The following STARD5 variants were observed in gnomAD, a reference collection of about 807,000 sequenced individuals.
The protein encoded by STARD5 is StAR related lipid transfer domain containing 5, also known as stAR-related lipid transfer protein 5.
STARD5 carries 26 observed loss-of-function variants against 24.6 expected under a neutral mutation model. That is an observed-to-expected ratio of 1.06 (90% CI 0.77 to 1.47). The LOEUF (loss-of-function observed/expected upper bound fraction) is 1.47, where lower values mean the gene tolerates loss of function less well. STARD5 is among the 40% of genes most tolerant of loss of function. The pLI, the probability that STARD5 is intolerant of heterozygous loss-of-function variation, is 0.00. For synonymous variants in STARD5, 101 were observed against 99.7 expected (o/e 1.01, Z -0.07); for missense variants, 254 against 270.8 (o/e 0.94, Z 0.44).
intron 2 of STARD5, 163 bp downstream of exon 2, chr15:81,322,736 T>C (rs1361183999): frequency 1.5e-6 from 2 of 1,301,144 alleles, no homozygotes; most frequent in African/African-American, 2.9e-5. Context: ...TTCACAAGAA[T>C]ACAGTTTGCT....
chr15:81,315,632 A>ACCTTTCCC (rs1163570615), intron 5 of STARD5, among the ~76,000 whole-genome samples: 3 of 151,838 alleles, frequency 2.0e-5, no homozygotes, highest in Admixed American at 6.6e-5. Context: ...CCTTAAGAAC[A>ACCTTTCCC]CCTTTCCCCC....
At position 81,311,302 on chromosome 15, in the gene STARD5, C is replaced by T. The variant is rs980008773; in HGVS notation, c.*1954G>A. The T allele has an allele frequency of 6.6e-6, 1 of 152,240 alleles. No individual in the cohort carries two copies. The highest frequency in any genetic ancestry group is 1.5e-5 in the Non-Finnish European group (1 of 68,036). 9.4% of individuals were successfully genotyped at this position (152,240 alleles called of 1,614,324 possible). On this transcript the variant is annotated 3_prime_UTR_variant, in exon 6 of 6. Transcript: ENST00000302824. The stretch of plus-strand genomic sequence containing the variant: ...TTGCCCAGCATTTTACTGATTCATA[C>T]ATTATCTCACTTGTGCCAACACTCA...
At chr15:81,323,105 G>A (rs552633337) in intron 1 of STARD5, 157 bp from the exon 2 acceptor site, 1 of 700,404 alleles carries the variant, frequency 1.4e-6, no homozygotes, top group African/African-American at 1.8e-5. Flanking sequence ...ACTAGTCTTG[G>A]GCAAAGCTGT....
intron 1 of STARD5, 165 bp downstream of exon 1, chr15:81,323,836 C>CT (rs148236522): frequency 0.076 from 58,452 of 773,106 alleles, 2,335 homozygotes; most frequent in South Asian, 0.098. Context: ...CAGGCCCAAT[C>CT]TTTTTTTTAA....
At position 81,324,130 on chromosome 15, in the gene STARD5, C is replaced by T. The variant is rs1164420724; in HGVS notation, c.-31G>A. 7.6e-7 allele frequency: 1 copy of T among 1,311,524 alleles called. No homozygotes were observed. Among genetic ancestry groups the T allele is most frequent in the Admixed American group, 3.5e-5 (1 of 28,342 alleles). 81.2% of individuals were successfully genotyped at this position (1,311,524 alleles called of 1,614,324 possible). A position where few individuals can be genotyped will look rare whatever the true frequency, so the allele number is the denominator to read the frequency against. On this transcript the variant is annotated 5_prime_UTR_variant, in exon 1 of 6. Transcript: ENST00000302824. ...CGGGAGCTGCGCTTAGCTGCGGGGT[C>T]GCGGGTGTTATGAGCGGCGGCGCTG... is the stretch of plus-strand genomic sequence containing the variant.
chr15:81,319,483 G>T (rs775822344), intron 3 of STARD5, 27 bp from the exon 4 acceptor site: 1 of 1,598,274 alleles, frequency 6.3e-7, no homozygotes, highest in Non-Finnish European at 8.6e-7. Flanking sequence ...GCATGTAGCT[G>T]TGACTGCTGG....
intron 4 of STARD5, among the ~76,000 whole-genome samples, 177 bp downstream of exon 4, chr15:81,319,162 T>C (rs1429912268): frequency 1.3e-5 from 2 of 151,740 alleles, no homozygotes; most frequent in Non-Finnish European, 2.9e-5. Context: ...TGGACTGTCT[T>C]GCGTCAGACC....
chr15:81,320,130 C>G (rs1567056396), intron 3 of STARD5, among the ~76,000 whole-genome samples: 1 of 152,120 alleles, frequency 6.6e-6, no homozygotes, highest in Non-Finnish European at 1.5e-5. Flanking sequence ...GAGTGGGGCC[C>G]AGGCTCTCTC....
At chr15:81,317,624 T>C (rs1444592165) in intron 5 of STARD5, among the ~76,000 whole-genome samples, 4 of 152,160 alleles carry the variant, frequency 2.6e-5, no homozygotes, top group African/African-American at 9.7e-5. Flanking sequence ...GGGCTTGGTA[T>C]AATCCCACGA....
At chr15:81,315,612 G>A (rs1901065784) in intron 5 of STARD5, among the ~76,000 whole-genome samples, 1 of 152,082 alleles carries the variant, frequency 6.6e-6, no homozygotes, top group Non-Finnish European at 1.5e-5. Flanking sequence ...CACAGATACA[G>A]GCTCCTCCAC....
Position 81,313,263 on chromosome 15 carries a change from TGGA to T in STARD5, c.632_634del (p.Phe211_His212delinsTyr). 3.8e-6 allele frequency: 6 copies of T among 1,568,280 alleles called. No individual in the cohort carries two copies. The highest frequency in any genetic ancestry group is 5.2e-6 in the Non-Finnish European group (6 of 1,156,916). ...CAAGAAGTAACGATAGCATTACTCA[TGGA>T]ATTGCTTCACTGCTTTCTGAAGGTT... is the stretch of plus-strand genomic sequence containing the variant. On this transcript the variant is annotated inframe_deletion, in exon 6 of 6. Coordinates refer to ENST00000302824, the MANE Select transcript of STARD5 (RefSeq NM_181900.3).
chr15:81,316,492 AG>A (rs1338298139), intron 5 of STARD5, among the ~76,000 whole-genome samples: 7 of 152,230 alleles, frequency 4.6e-5, no homozygotes, highest in African/African-American at 1.7e-4. Flanking sequence ...ACCTTGGGTT[AG>A]TTACTAAACC....
Position 81,318,396 on chromosome 15 carries a change from A to AAATTATCCTTACCC in STARD5, c.493_494+12dup, listed in dbSNP as rs778613814. ...TCTGAGCCATGTACCTCAATGCAGG[A>AAATTATCCTTACCC]AATTATCCTTACCCTGGAAGAGGTT... On this transcript the variant is annotated intron_variant, in intron 5 of 5. Transcript: ENST00000302824. 5.3e-5 allele frequency: 86 copies of AAATTATCCTTACCC among 1,612,674 alleles called. No individual in the cohort carries two copies. In the African/African-American group the frequency reaches 1.0e-3, roughly 19 times the overall value.
rs1157994054 is a variant in STARD5 at position 81,319,188 on chromosome 15, C to T, written c.400+151G>A. On this transcript the variant is annotated intron_variant, in intron 4 of 5. Transcript: ENST00000302824. The stretch of plus-strand genomic sequence containing the variant: ...GCGTCAGACCCCCATGGCCCTGAGT[C>T]CCCCCAAACCCAACCAGATGAGGTA... 4.2e-6 allele frequency: 3 copies of T among 708,296 alleles called. No individual in the cohort carries two copies. In the South Asian group the frequency reaches 5.1e-5, roughly 12 times the overall value. 43.9% of individuals were successfully genotyped at this position (708,296 alleles called of 1,614,324 possible). A position where few individuals can be genotyped will look rare whatever the true frequency, so the allele number is the denominator to read the frequency against.
chr15:81,318,251 A>G (rs4503751), intron 5 of STARD5, among the ~76,000 whole-genome samples, 158 bp downstream of exon 5: 1 of 152,052 alleles, frequency 6.6e-6, no homozygotes, highest in Non-Finnish European at 1.5e-5. Flanking sequence ...GCTTATGCAG[A>G]TGTGTGTGAA....
chr15:81,323,891 G>A, intron 1 of STARD5, 110 bp downstream of exon 1: 1 of 1,132,658 alleles, frequency 8.8e-7, no homozygotes, highest in African/African-American at 1.5e-5. Flanking sequence ...TCGGGTCCAG[G>A]GGATTGGGGA....
rs1280380281 is a variant in STARD5, at chr15:81,319,275, G to A, written c.400+64C>T. 7.3e-6 allele frequency: 10 copies of A among 1,376,142 alleles called. No homozygotes were observed. In the East Asian group the frequency reaches 1.6e-4, roughly 22 times the overall value. 85.2% of individuals were successfully genotyped at this position (1,376,142 alleles called of 1,614,324 possible). On this transcript the variant is annotated intron_variant, in intron 4 of 5. Transcript: ENST00000302824. ...TGCTTGGCTTTCCTTAAGGAACTGT[G>A]GGGTGCAGAAGAGAAAGCTCGATAT... is the stretch of plus-strand genomic sequence containing the variant.
chr15:81,313,044 T>A lies in STARD5; in HGVS notation c.*212A>T. 2.3e-6 allele frequency: 1 copy of A among 426,800 alleles called. No homozygotes were observed. 26.4% of individuals were successfully genotyped at this position (426,800 alleles called of 1,614,324 possible). On this transcript the variant is annotated 3_prime_UTR_variant, in exon 6 of 6. Transcript: ENST00000302824. ...ACAGGCAGATGGAGTTTGGAACACA[T>A]GAATGGCTCATCACACGCCAACCCT...
Position 81,309,422 on chromosome 15 carries a change from C to T in STARD5, c.*3834G>A, listed in dbSNP as rs1200363105. The T allele has an allele frequency of 6.5e-6, 1 of 152,722 alleles. No individual in the cohort carries two copies. Among genetic ancestry groups the T allele is most frequent in the East Asian group, 1.9e-4 (1 of 5,262 alleles). 9.5% of individuals were successfully genotyped at this position (152,722 alleles called of 1,614,324 possible). On this transcript the variant is annotated 3_prime_UTR_variant, in exon 6 of 6. Transcript: ENST00000302824. ...GTGTCTGGATTCCCAGGATGAGCAT[C>T]CCAGGATCGCAAGAGCCATGTAGAA...
Sources: gnomAD v4.1 joint callset for allele counts (sites outside exome capture counted in the v4.1 genomes callset) on GRCh38, gnomAD v4.1.1 for gene constraint, MANE v1.5 for transcripts, NCBI Gene and HGNC (gene_info 2026-07-23, HGNC 2026-07-21) for gene names.